The following SLC12A1 variants were observed in gnomAD, a reference collection of about 807,000 sequenced individuals.
SLC12A1 encodes solute carrier family 12 member 1.
In SLC12A1, 89 loss-of-function variants were observed where a neutral mutation model predicts 130.4. The ratio of observed to expected loss-of-function variants is 0.68; its 90% CI spans 0.58 to 0.81. The LOEUF (loss-of-function observed/expected upper bound fraction) is 0.81. Ranked by LOEUF, SLC12A1 falls within the 40% of genes least tolerant of loss-of-function variation. The pLI, the probability that SLC12A1 is intolerant of heterozygous loss-of-function variation, is 0.00. For synonymous variants in SLC12A1, 499 were observed against 460.0 expected (o/e 1.08, Z -1.09); for missense variants, 1,310 against 1,336.4 (o/e 0.98, Z 0.31).
At chr15:48,267,440 T>C in intron 17 of SLC12A1, 121 bp from the exon 18 acceptor site, 1 of 1,083,322 alleles carries the variant, frequency 9.2e-7, no homozygotes. Context: ...TGAGGTGTTT[T>C]TCCCTCTTTC....
At chr15:48,247,868 G>A in intron 13 of SLC12A1, among the ~76,000 whole-genome samples, 1 of 152,316 alleles carries the variant, frequency 6.6e-6, no homozygotes, top group Non-Finnish European at 1.5e-5. Flanking sequence ...GTTTGGGAAA[G>A]TGTGGAGACT....
chr15:48,254,792 C>T (rs1194002151), intron 15 of SLC12A1, among the ~76,000 whole-genome samples: 6 of 151,706 alleles, frequency 4.0e-5, no homozygotes, highest in Non-Finnish European at 8.8e-5. Context: ...GGCGTGGTGG[C>T]GGGCGCCTGT....
At position 48,291,880 on chromosome 15, in the gene SLC12A1, C is replaced by T. The variant is rs1432027981; in HGVS notation, c.2960+16C>T. On this transcript the variant is annotated intron_variant, in intron 24 of 26. Transcript: ENST00000380993. The stretch of plus-strand genomic sequence containing the variant: ...ACAAAGAGAGGTATGAAATATTTAA[C>T]AAGAGACATTGATTACCCATGGTAC... 1 of 1,452,182 alleles carries T rather than the reference C, an allele frequency of 6.9e-7. No individual in the cohort carries two copies. The highest frequency in any genetic ancestry group is 9.5e-7 in the Non-Finnish European group (1 of 1,053,452). 90.0% of individuals were successfully genotyped at this position (1,452,182 alleles called of 1,614,324 possible).
chr15:48,242,094 T>A (rs530406337), intron 10 of SLC12A1, among the ~76,000 whole-genome samples: 8 of 152,340 alleles, frequency 5.3e-5, no homozygotes, highest in Non-Finnish European at 1.2e-4. Context: ...ATTGGCAGGA[T>A]ATCAGAACAA....
At chr15:48,260,382 AC>A (rs1566845386) in intron 17 of SLC12A1, among the ~76,000 whole-genome samples, 1 of 142,984 alleles carries the variant, frequency 7.0e-6, no homozygotes, top group East Asian at 2.1e-4. Flanking sequence ...ACACACACAC[AC>A]CACTGAAAAT....
chr15:48,269,807 T>G, intron 19 of SLC12A1, 43 bp downstream of exon 19: 2 of 1,094,840 alleles, frequency 1.8e-6, no homozygotes, highest in Non-Finnish European at 2.8e-6. Flanking sequence ...TATAAAGCAC[T>G]AAGCAGGGCA....
intron 7 of SLC12A1, 122 bp downstream of exon 7, chr15:48,230,625 C>T: frequency 1.4e-6 from 1 of 690,842 alleles, no homozygotes; most frequent in South Asian, 1.7e-5. Flanking sequence ...GTGAAATGAG[C>T]AGGCAAGTGC....
At chr15:48,223,260 A>G (rs2041240083) in intron 4 of SLC12A1, 1 of 152,222 alleles carries the variant, frequency 6.6e-6, no homozygotes. Context: ...CTGGGAAGTT[A>G]GGTTAGGAAA....
chr15:48,249,929 A>G (rs1412714591), intron 14 of SLC12A1, among the ~76,000 whole-genome samples: 1 of 152,240 alleles, frequency 6.6e-6, no homozygotes, highest in Non-Finnish European at 1.5e-5. Context: ...TCATTGCAAG[A>G]GAAACCACAC....
chr15:48,232,014 A>T (rs932671419), intron 7 of SLC12A1, among the ~76,000 whole-genome samples: 1 of 152,186 alleles, frequency 6.6e-6, no homozygotes, highest in Admixed American at 6.5e-5. Flanking sequence ...CCATCTTGGG[A>T]AAACAAAATA....
chr15:48,280,202 T>C (rs1847827476), intron 20 of SLC12A1, among the ~76,000 whole-genome samples: 1 of 152,006 alleles, frequency 6.6e-6, no homozygotes, highest in Admixed American at 6.6e-5. Context: ...GACATAACAT[T>C]TGAAGCAATC....
chr15:48,212,661 G>A (rs2041068079), intron 2 of SLC12A1, among the ~76,000 whole-genome samples: 1 of 152,048 alleles, frequency 6.6e-6, no homozygotes, highest in African/African-American at 2.4e-5. Flanking sequence ...ATTGTTGTTA[G>A]CATTTCAGAA....
intron 4 of SLC12A1, 59 bp downstream of exon 4, chr15:48,221,055 T>C: frequency 6.8e-7 from 1 of 1,463,164 alleles, no homozygotes; most frequent in Middle Eastern, 1.8e-4. Flanking sequence ...CAATAAGCAA[T>C]CTTTTTTCAC....
At chr15:48,222,781 T>G (rs2041232275) in intron 4 of SLC12A1, 1 of 152,216 alleles carries the variant, frequency 6.6e-6, no homozygotes, top group Non-Finnish European at 1.5e-5. Flanking sequence ...ATCTATTTGT[T>G]CTTGCTTTGG....
chr15:48,214,415 C>T (rs529662358), intron 2 of SLC12A1, among the ~76,000 whole-genome samples: 2 of 152,228 alleles, frequency 1.3e-5, no homozygotes, highest in Non-Finnish European at 2.9e-5. Flanking sequence ...GTTTATTGCA[C>T]ATAGCTAACT....
intron 20 of SLC12A1, among the ~76,000 whole-genome samples, chr15:48,277,408 A>T (rs1293225795): frequency 6.6e-6 from 1 of 152,098 alleles, no homozygotes; most frequent in African/African-American, 2.4e-5. Context: ...TTGTGAGAGT[A>T]GAGTGGTAAA....
chr15:48,279,447 A>G (rs2041988648), intron 20 of SLC12A1, among the ~76,000 whole-genome samples: 1 of 152,200 alleles, frequency 6.6e-6, no homozygotes, highest in African/African-American at 2.4e-5. Context: ...CTTTATAGAT[A>G]ATTTACCAGC....
At chr15:48,253,847 AG>A (rs1479005302) in intron 15 of SLC12A1, among the ~76,000 whole-genome samples, 6 of 152,266 alleles carry the variant, frequency 3.9e-5, no homozygotes, top group African/African-American at 1.4e-4. Flanking sequence ...ATTTTTTAAA[AG>A]CCATTCTAAT....
intron 2 of SLC12A1, among the ~76,000 whole-genome samples, chr15:48,218,589 T>C (rs1567304552): frequency 6.6e-6 from 1 of 152,186 alleles, no homozygotes; most frequent in Non-Finnish European, 1.5e-5. Flanking sequence ...TGGATGTTTA[T>C]TTCACACCAG....
Sources: gnomAD v4.1 joint callset for allele counts (sites outside exome capture counted in the v4.1 genomes callset) on GRCh38, gnomAD v4.1.1 for gene constraint, MANE v1.5 for transcripts, NCBI Gene and HGNC (gene_info 2026-07-23, HGNC 2026-07-21) for gene names.